PKD1L1: variants seen among roughly 807,000 people sequenced by gnomAD.
The protein encoded by PKD1L1 is polycystin-1-like protein 1.
A neutral mutation model predicts 323.4 loss-of-function variants in PKD1L1; 236 were observed. That is an observed-to-expected ratio of 0.73 (90% CI 0.66 to 0.81). PKD1L1 has a LOEUF of 0.81. Among genes scored for constraint, PKD1L1 ranks in the 40% least tolerant of loss-of-function variants. The probability of loss-of-function intolerance (pLI) is 0.00; values close to 1 mark genes in which losing one functional copy is unlikely to be tolerated. For synonymous variants in PKD1L1, 1,344 were observed against 1,335.0 expected, an observed-to-expected ratio of 1.01 and a Z score of -0.15; for missense variants, 3,320 against 3,508.0, an observed-to-expected ratio of 0.95 and a Z score of 1.35.
chr7:47,822,594 C>CAAAAAAAA (rs745820560), intron 45 of PKD1L1, among the ~76,000 whole-genome samples: 3 of 71,420 alleles, frequency 4.2e-5, no homozygotes, highest in Non-Finnish European at 7.4e-5. Flanking sequence ...GACTCCGTCT[C>CAAAAAAAA]AAAAAAAAAA....
At position 47,946,750 on chromosome 7, in the gene PKD1L1, T is replaced by C. The variant is rs1788105347; in HGVS notation, c.44+1647A>G. Among the ~76,000 whole-genome samples the C allele has an allele frequency of 6.6e-6, 1 of 152,190 alleles. No homozygotes were observed. The highest frequency in any genetic ancestry group is 1.5e-5 in the Non-Finnish European group (1 of 68,036). ...AGTCAAGAAACCTCTTCTGTTTCTA[T>C]GAACAAGATCAGTCACTGTCTTGCT... On this transcript the variant is annotated intron_variant, in intron 1 of 56. Transcript: ENST00000289672. The surrounding 1 kb of genome is among the most constrained non-coding windows in gnomAD (Gnocchi z 4.1).
intron 44 of PKD1L1, among the ~76,000 whole-genome samples, chr7:47,828,709 G>C (rs1389581062): frequency 6.6e-6 from 1 of 152,218 alleles, no homozygotes; most frequent in East Asian, 1.9e-4. Context: ...AGCAGCAGCA[G>C]CCTTGGTTTT....
At chr7:47,799,775 A>T (rs1784620735) in intron 54 of PKD1L1, among the ~76,000 whole-genome samples, 1 of 152,186 alleles carries the variant, frequency 6.6e-6, no homozygotes, top group Non-Finnish European at 1.5e-5. Context: ...TCAAGCACAG[A>T]GCAGGGGTCC....
chr7:47,955,331 G>C, the PKD1L1 span, among the ~76,000 whole-genome samples: 1 of 152,144 alleles, frequency 6.6e-6, no homozygotes, highest in South Asian at 2.1e-4. Context: ...GAGTGAATGT[G>C]TAAGGCACTC....
intron 16 of PKD1L1, 96 bp downstream of exon 16, chr7:47,890,446 T>C: frequency 8.0e-7 from 1 of 1,254,314 alleles, no homozygotes; most frequent in Non-Finnish European, 1.1e-6. Context: ...AACTCCAAAC[T>C]GCTTGCTGTG....
intron 56 of PKD1L1, among the ~76,000 whole-genome samples, chr7:47,787,929 G>A (rs1482498138): frequency 1.3e-5 from 2 of 151,956 alleles, no homozygotes. Context: ...CAGACTGGTC[G>A]CGAACTCCTG....
At chr7:47,831,406 T>C in intron 41 of PKD1L1, 54 bp from the exon 42 acceptor site, 1 of 1,566,242 alleles carries the variant, frequency 6.4e-7, no homozygotes, top group Non-Finnish European at 8.7e-7. Context: ...GGCATCTCCA[T>C]CCACGCGGAG....
chr7:47,785,740 C>T (rs892109415), intron 56 of PKD1L1, among the ~76,000 whole-genome samples: 1 of 145,160 alleles, frequency 6.9e-6, no homozygotes, highest in Admixed American at 7.0e-5. Context: ...GTTGATATTT[C>T]TTTCTTTTTT....
rs762688036 is a variant in PKD1L1, at chr7:47,918,555, G to A, written c.1061-2956C>T. On this transcript the variant is annotated intron_variant, in intron 7 of 56. Transcript: ENST00000289672. ...GTACAGAACATTCCATCCAACATAC[G>A]CAGAATATACATTCTATTCAATAGT... Among the ~76,000 whole-genome samples the A allele has an allele frequency of 8.6e-5, 13 of 151,638 alleles. No individual in the cohort carries two copies. The South Asian group carries it at 2.7e-3, about 32-fold the overall frequency.
chr7:47,840,366 G>C lies in PKD1L1; in HGVS notation c.5552+95C>G. ...TCGATGCTCACTATTAGAGACCAAT[G>C]TTATGTATTCTACTGTTTTGTATTT... On this transcript the variant is annotated intron_variant, in intron 35 of 56. Transcript: ENST00000289672. This position sits in a 1 kb window ranked among gnomAD's most constrained non-coding sequence, Gnocchi z 4.1. 2.4e-6 allele frequency: 2 copies of C among 817,756 alleles called. No homozygotes were observed. The highest frequency in any genetic ancestry group is 4.1e-6 in the Non-Finnish European group (2 of 491,026). The allele number at this position is 817,756 out of a possible 1,614,324, so 50.7% of individuals were successfully genotyped here.
At chr7:47,877,436 C>A in intron 22 of PKD1L1, 53 bp downstream of exon 22, 1 of 1,601,692 alleles carries the variant, frequency 6.2e-7, no homozygotes, top group Non-Finnish European at 8.5e-7. Context: ...GCTGTGACTG[C>A]CAGATGCCAC....
chr7:47,780,585 T>G (rs1053052360), intron 56 of PKD1L1, among the ~76,000 whole-genome samples: 1 of 151,966 alleles, frequency 6.6e-6, no homozygotes, highest in African/African-American at 2.4e-5. Flanking sequence ...TGAGCCGAGA[T>G]TGTACCACTG....
At chr7:47,901,343 A>AG (rs1266210887) in intron 13 of PKD1L1, among the ~76,000 whole-genome samples, 3 of 151,104 alleles carry the variant, frequency 2.0e-5, no homozygotes, top group African/African-American at 2.4e-5. Flanking sequence ...AAAAAAAAAA[A>AG]AAAAAGAAAA....
At position 47,809,347 on chromosome 7, in the gene PKD1L1, G is replaced by A. The variant is rs1784845784; in HGVS notation, c.7686+126C>T. ...ATGCTGTTTTGAGATTAACACTACA[G>A]AGGGAGAAAACTGCAATAATGTTGG... On this transcript the variant is annotated intron_variant, in intron 51 of 56. Coordinates refer to ENST00000289672, the MANE Select transcript of PKD1L1 (RefSeq NM_138295.5). The A allele has an allele frequency of 8.7e-6, 6 of 687,586 alleles. No homozygotes were observed. The South Asian group carries it at 1.2e-4, about 14-fold the overall frequency. 42.6% of individuals were successfully genotyped at this position (687,586 alleles called of 1,614,324 possible).
Position 47,796,043 on chromosome 7 carries a change from G to T in PKD1L1, c.8301C>A (p.Thr2767=). Reference sequence around the variant, plus strand: ...ACTTTGGTGTTTCCAGTCTCAGAAAGGTGAGGACCTTTTCCCACATATAAG... The same window carrying T: ...ACTTTGGTGTTTCCAGTCTCAGAAATGTGAGGACCTTTTCCCACATATAAG... The part of the protein sequence containing the change: ...VTAYMWEKVL[T]FLRLETPKLE... The change falls in exon 55 of 57, where the codon ACC becomes ACA. Residue 2767 remains threonine (T), a synonymous_variant. Transcript: ENST00000289672. The T allele has an allele frequency of 6.2e-7, 1 of 1,613,056 alleles. No individual in the cohort carries two copies. Among genetic ancestry groups the T allele is most frequent in the Non-Finnish European group, 8.5e-7 (1 of 1,179,578 alleles).
chr7:47,866,348 C>G (rs1355279533), intron 25 of PKD1L1, 71 bp downstream of exon 25: 1 of 1,501,396 alleles, frequency 6.7e-7, no homozygotes, highest in Non-Finnish European at 9.0e-7. Context: ...TGCTAGTGAG[C>G]CAGCCAGTCA....
intron 52 of PKD1L1, among the ~76,000 whole-genome samples, chr7:47,803,709 G>T (rs147709541): frequency 2.0e-5 from 3 of 152,192 alleles, no homozygotes; most frequent in Non-Finnish European, 2.9e-5. Context: ...ACCACAGAGG[G>T]GACTCAAAGA....
intron 8 of PKD1L1, among the ~76,000 whole-genome samples, chr7:47,912,751 G>C (rs183951595): frequency 1.4e-5 from 2 of 146,392 alleles, no homozygotes; most frequent in Non-Finnish European, 1.5e-5. Flanking sequence ...AGGAGATGGA[G>C]GTTGCAGTGA....
chr7:47,878,417 T>C (rs1786455561), intron 21 of PKD1L1, among the ~76,000 whole-genome samples: 1 of 152,208 alleles, frequency 6.6e-6, no homozygotes, highest in Non-Finnish European at 1.5e-5. Context: ...GAAATGAAAT[T>C]TACATGTCAA....
Sources: gnomAD v4.1 joint callset for allele counts (sites outside exome capture counted in the v4.1 genomes callset) on GRCh38, gnomAD v4.1.1 for gene constraint, Gnocchi (gnomAD v3.1) non-coding constraint, MANE v1.5 for transcripts, NCBI Gene and HGNC (gene_info 2026-07-23, HGNC 2026-07-21) for gene names.